The following TAPT1 variants were observed in gnomAD, a reference collection of about 807,000 sequenced individuals.
The protein encoded by TAPT1 is transmembrane anterior posterior transformation protein 1 homolog.
A neutral mutation model predicts 65.6 loss-of-function variants in TAPT1; 28 were observed. That is an observed-to-expected ratio of 0.43 (90% confidence interval 0.32 to 0.59). TAPT1 has a LOEUF of 0.59. TAPT1 is among the 20% of genes least tolerant of loss of function. TAPT1 has a pLI of 0.09. For missense variants in TAPT1, 563 were observed against 679.9 expected, an observed-to-expected ratio of 0.83 and a Z score of 1.91; for synonymous variants, 278 against 245.2, an observed-to-expected ratio of 1.13 and a Z score of -1.25.
In TAPT1 at chr4:16,163,501, G is replaced by T; in HGVS notation, c.1511C>A (p.Thr504Asn). ...STEENLSASITKQPIHQKENI... is the reference protein window; with the variant it reads ...STEENLSASINKQPIHQKENI... ...TTCCTTTTGATGAATAGGTTGTTTG[G>T]TGATGGAGGCAGACAGGTTTTCTTC... Residue 504 changes from threonine (T) to asparagine (N), a missense_variant, in exon 14 of 14, where the codon ACC (threonine) becomes AAC (asparagine). Around this residue, in one of 5 missense-constraint regions of TAPT1, gnomAD observed 136 missense variants for 153.9 expected, o/e 0.88. Coordinates refer to ENST00000405303, the MANE Select transcript of TAPT1 (RefSeq NM_153365.3). 6.2e-7 allele frequency: 1 copy of T among 1,613,958 alleles called. No homozygotes were observed. The highest frequency in any genetic ancestry group is 1.1e-5 in the South Asian group (1 of 91,076).
chr4:16,214,268 C>G (rs1425175260), intron 1 of TAPT1, among the ~76,000 whole-genome samples: 1 of 152,104 alleles, frequency 6.6e-6, no homozygotes, highest in Non-Finnish European at 1.5e-5. Context: ...TATATAGAGT[C>G]AAAAGGGAGC....
chr4:16,196,743 G>A, intron 3 of TAPT1: 1 of 1,253,250 alleles, frequency 8.0e-7, no homozygotes, highest in Non-Finnish European at 1.0e-6. Flanking sequence ...GAGAGAGAAA[G>A]AAAGAGAGAA....
At chr4:16,168,379 G>A (rs1050067176) in intron 12 of TAPT1, among the ~76,000 whole-genome samples, 11 of 152,062 alleles carry the variant, frequency 7.2e-5, no homozygotes, top group African/African-American at 2.4e-4. Context: ...AAAGTCCTGG[G>A]GCTACAGGCA....
chr4:16,205,895 T>C (rs1387038882), intron 2 of TAPT1, among the ~76,000 whole-genome samples: 3 of 152,212 alleles, frequency 2.0e-5, no homozygotes, highest in African/African-American at 7.2e-5. Flanking sequence ...TTTTCACTTA[T>C]AGCTCTTTTA....
chr4:16,210,501 CCT>C (rs558357296), intron 2 of TAPT1, among the ~76,000 whole-genome samples: 1 of 152,098 alleles, frequency 6.6e-6, no homozygotes, highest in Non-Finnish European at 1.5e-5. Context: ...GTGCATTCCC[CCT>C]GAGTTGCTGA....
At chr4:16,197,378 A>G (rs564407221) in intron 3 of TAPT1, among the ~76,000 whole-genome samples, 48 of 152,360 alleles carry the variant, frequency 3.2e-4, no homozygotes, top group South Asian at 8.3e-4. Context: ...ATGTTTCAGT[A>G]AAGTTTTTTC....
intron 2 of TAPT1, among the ~76,000 whole-genome samples, chr4:16,210,969 T>C (rs1165638972): frequency 6.6e-6 from 1 of 151,940 alleles, no homozygotes; most frequent in East Asian, 1.9e-4. Context: ...ATGTAAAATA[T>C]ATAAGCAATT....
intron 4 of TAPT1, chr4:16,190,940 C>G: frequency 6.3e-6 from 1 of 159,126 alleles, no homozygotes; most frequent in Non-Finnish European, 1.4e-5. Flanking sequence ...ATAATCATAA[C>G]ATTTACTTCA....
chr4:16,196,858 A>G, intron 3 of TAPT1: 3 of 451,552 alleles, frequency 6.6e-6, no homozygotes, highest in South Asian at 4.8e-5. Flanking sequence ...GCTCTCAACA[A>G]ATAAGCCACA....
chr4:16,224,898 G>A (rs1751458009), intron 1 of TAPT1, among the ~76,000 whole-genome samples: 1 of 152,192 alleles, frequency 6.6e-6, no homozygotes, highest in Admixed American at 6.5e-5. Context: ...TAAAATGGTG[G>A]CTTTCCTGCA....
intron 11 of TAPT1, among the ~76,000 whole-genome samples, chr4:16,173,978 A>G (rs918885891): frequency 1.3e-5 from 2 of 152,226 alleles, no homozygotes; most frequent in African/African-American, 4.8e-5. Context: ...TAGGAAAGCC[A>G]TTTACATAAA....
intron 2 of TAPT1, 32 bp from the exon 3 acceptor site, chr4:16,202,612 A>G: frequency 1.7e-6 from 2 of 1,181,188 alleles, no homozygotes; most frequent in Non-Finnish European, 2.4e-6. Context: ...AGAAAAAAAA[A>G]AAGTATTTTA....
Position 16,188,293 on chromosome 4 carries a change from T to C in TAPT1, c.675A>G (p.Ala225=), listed in dbSNP as rs374173201. Residue 225 remains alanine (A), a synonymous_variant, in exon 5 of 14, where the codon GCA becomes GCG. Coordinates refer to ENST00000405303, the MANE Select transcript of TAPT1 (RefSeq NM_153365.3). The part of the protein sequence containing the change: ...QDILDALYWT[A]TEPKERKRAH... Reference sequence around the variant, plus strand: ...CTCTTTTTCTTTCTTTAGGCTCTGTTGCTGTCCAATAGAGAGCATCTAATA... The same window carrying C: ...CTCTTTTTCTTTCTTTAGGCTCTGTCGCTGTCCAATAGAGAGCATCTAATA... 208 of 1,612,602 alleles carry C rather than the reference T, an allele frequency of 1.3e-4. 1 individual carries two copies. In the African/African-American group the frequency reaches 1.9e-3, roughly 14 times the overall value.
chr4:16,208,898 C>G (rs1341918571), intron 2 of TAPT1, among the ~76,000 whole-genome samples: 1 of 152,146 alleles, frequency 6.6e-6, no homozygotes, highest in East Asian at 1.9e-4. Flanking sequence ...GGGTCTCACT[C>G]TGTTGCCCAG....
intron 2 of TAPT1, among the ~76,000 whole-genome samples, chr4:16,209,988 CAA>C (rs1401393988): frequency 6.6e-6 from 1 of 152,156 alleles, no homozygotes; most frequent in Admixed American, 6.5e-5. Flanking sequence ...TTGATTTCAC[CAA>C]GCCTCTGGTT....
intron 3 of TAPT1, among the ~76,000 whole-genome samples, chr4:16,192,766 G>A (rs530795629): frequency 2.0e-5 from 3 of 152,270 alleles, no homozygotes; most frequent in East Asian, 1.9e-4. Flanking sequence ...AAAACGGCCC[G>A]AGTACTTTTT....
At chr4:16,195,305 C>T (rs1422721431) in intron 3 of TAPT1, among the ~76,000 whole-genome samples, 2 of 152,182 alleles carry the variant, frequency 1.3e-5, no homozygotes, top group East Asian at 1.9e-4. Context: ...CATTCAACCC[C>T]GAACTGGCTT....
intron 12 of TAPT1, among the ~76,000 whole-genome samples, chr4:16,168,602 C>T (rs1259656005): frequency 1.3e-5 from 2 of 152,260 alleles, no homozygotes; most frequent in Non-Finnish European, 2.9e-5. Flanking sequence ...ACCAGAGAGG[C>T]CTGCCCTGGC....
intron 2 of TAPT1, among the ~76,000 whole-genome samples, chr4:16,212,002 GC>G (rs1560185545): frequency 6.6e-6 from 1 of 152,154 alleles, no homozygotes; most frequent in Non-Finnish European, 1.5e-5. Context: ...TTTCAGTGTT[GC>G]CTTAAGAGAA....
Sources: allele counts gnomAD v4.1 joint callset (sites outside exome capture counted in the v4.1 genomes callset), GRCh38; gene constraint gnomAD v4.1.1; regional missense constraint gnomAD v4.1.1; transcripts MANE v1.5; gene names NCBI Gene and HGNC (gene_info 2026-07-23, HGNC 2026-07-21).